The following DUXB variants were observed in gnomAD, a reference collection of about 807,000 sequenced individuals.
DUXB encodes the protein double homeobox protein B.
DUXB carries 22 observed loss-of-function variants against 8.9 expected under a neutral mutation model. The ratio of observed to expected loss-of-function variants is 2.46; its 90% CI spans 1.76 to 3.52. The LOEUF (loss-of-function observed/expected upper bound fraction) is 3.52. Among genes scored for constraint, DUXB ranks in the 30% most tolerant of loss-of-function variants. The pLI is 0.00. For synonymous variants in DUXB, 84 were observed against 37.6 expected, an observed-to-expected ratio of 2.23 and a Z score of -4.52; for missense variants, 237 against 108.7, an observed-to-expected ratio of 2.18 and a Z score of -5.25.
At chr16:75,695,731 T>G (rs1032719882) in intron 4 of DUXB, among the ~76,000 whole-genome samples, 1 of 152,208 alleles carries the variant, frequency 6.6e-6, no homozygotes, top group Non-Finnish European at 1.5e-5. Context: ...AATCTAACAA[T>G]GTTCTCAAAA....
chr16:75,701,182 G>A (rs1330009116), intron 1 of DUXB, among the ~76,000 whole-genome samples: 1 of 152,136 alleles, frequency 6.6e-6, no homozygotes, highest in Non-Finnish European at 1.5e-5. Flanking sequence ...CCTTGTATGG[G>A]ACTCATGGCT....
intron 4 of DUXB, among the ~76,000 whole-genome samples, chr16:75,695,240 C>T (rs1020026082): frequency 2.6e-5 from 4 of 152,142 alleles, no homozygotes; most frequent in African/African-American, 9.7e-5. Context: ...AACGTGTTCT[C>T]GAATTCTCCC....
intron 1 of DUXB, among the ~76,000 whole-genome samples, chr16:75,700,697 C>G (rs1011055011): frequency 2.0e-5 from 3 of 151,860 alleles, no homozygotes; most frequent in African/African-American, 7.3e-5. Context: ...TTAGTAGAGA[C>G]AGGGTTTCAC....
At chr16:75,700,233 T>C (rs1462963539) in intron 1 of DUXB, 64 bp from the exon 2 acceptor site, 3 of 614,190 alleles carry the variant, frequency 4.9e-6, no homozygotes, top group African/African-American at 3.7e-5. Flanking sequence ...ATCTGTACTT[T>C]GATTAAATTA....
At chr16:75,696,608 C>A (rs982038071) in intron 3 of DUXB, among the ~76,000 whole-genome samples, 1 of 152,106 alleles carries the variant, frequency 6.6e-6, no homozygotes, top group Admixed American at 6.5e-5. Context: ...TGTTAAGAAC[C>A]TGACTGTCTC....
chr16:75,700,899 C>T (rs971211129), intron 1 of DUXB, among the ~76,000 whole-genome samples: 1 of 151,846 alleles, frequency 6.6e-6, no homozygotes, highest in Non-Finnish European at 1.5e-5. Context: ...TATTAGAAAA[C>T]GATAATCAAT....
intron 1 of DUXB, among the ~76,000 whole-genome samples, chr16:75,700,729 G>T (rs970831083): frequency 1.3e-5 from 2 of 151,734 alleles, no homozygotes; most frequent in African/African-American, 4.8e-5. Context: ...GGATGGTCTC[G>T]ATCTCCTGAC....
chr16:75,694,772 C>T (rs1337084370), intron 4 of DUXB, among the ~76,000 whole-genome samples: 1 of 152,128 alleles, frequency 6.6e-6, no homozygotes, highest in Non-Finnish European at 1.5e-5. Context: ...AAGAAAAATA[C>T]AGTTTAACAA....
At chr16:75,697,873 T>C (rs1259096929) in intron 2 of DUXB, among the ~76,000 whole-genome samples, 1 of 152,156 alleles carries the variant, frequency 6.6e-6, no homozygotes, top group African/African-American at 2.4e-5. Context: ...AACTGTGCAG[T>C]TGAGGGATCC....
At position 75,694,286 on chromosome 16, in the gene DUXB, A is replaced by G. The variant is rs1305486337; in HGVS notation, c.681T>C (p.His227=). The G allele has an allele frequency of 9.9e-6, 6 of 605,184 alleles. No homozygotes were observed. In the East Asian group the frequency reaches 1.4e-4, roughly 14 times the overall value. 37.5% of individuals were successfully genotyped at this position (605,184 alleles called of 1,614,324 possible). The change falls in exon 5 of 5, where the codon CAT becomes CAC. Residue 227 remains histidine (H), a synonymous_variant. Coordinates refer to ENST00000633875, the MANE Select transcript of DUXB (RefSeq NM_001351307.2). ...TQAPWDPFRF[H]VSQGPNVMIM... is the part of the protein sequence containing the mutation. ...TCATGACATTTGGTCCTTGGCTCAC[A>G]TGGAACCTGAAGGGATCCCAAGGAG...
In DUXB at chr16:75,695,956, C is replaced by T. The variant is rs1029034290; in HGVS notation, c.441+5G>A. 1.4e-6 allele frequency: 1 copy of T among 702,846 alleles called. No homozygotes were observed. Among genetic ancestry groups the T allele is most frequent in the African/African-American group, 1.7e-5 (1 of 57,242 alleles). 43.5% of individuals were successfully genotyped at this position (702,846 alleles called of 1,614,324 possible). On this transcript the variant is annotated splice_donor_5th_base_variant and intron_variant, in intron 4 of 4. Transcript: ENST00000633875. ...CATAGTTGGGATCACACACATAGAA[C>T]TTACTTGAATTCTTGATTCCTGCAG...
intron 2 of DUXB, among the ~76,000 whole-genome samples, chr16:75,697,925 C>T (rs1442502251): frequency 6.6e-6 from 1 of 152,142 alleles, no homozygotes; most frequent in Non-Finnish European, 1.5e-5. Flanking sequence ...ATAGCTAATG[C>T]CTGATGACCG....
rs2082610758 is a variant in DUXB, at chr16:75,696,755, T to C, written c.286+83A>G. On this transcript the variant is annotated intron_variant, in intron 3 of 4. Transcript: ENST00000633875. ...TGGTCACCAGGATGCCAGAACCAGC[T>C]ATCCCTGGCTTCTGAGCTAAGAGAT... 4 of 630,296 alleles carry C rather than the reference T, an allele frequency of 6.3e-6. No individual in the cohort carries two copies. In the South Asian group the frequency reaches 7.3e-5, roughly 11 times the overall value. 39.0% of individuals were successfully genotyped at this position (630,296 alleles called of 1,614,324 possible).
intron 2 of DUXB, among the ~76,000 whole-genome samples, chr16:75,697,683 G>A (rs1024604999): frequency 4.6e-5 from 7 of 152,122 alleles, no homozygotes; most frequent in Admixed American, 4.6e-4. Flanking sequence ...TTATATCATA[G>A]GCATTGTGCT....
chr16:75,694,608 C>G (rs143310087), intron 4 of DUXB, 83 bp from the exon 5 acceptor site: 9,625 of 686,822 alleles, frequency 0.014, 90 homozygotes, highest in Middle Eastern at 0.018. Flanking sequence ...AACAAAGGAG[C>G]TATTAACCTA....
chr16:75,695,138 T>C (rs536565860), intron 4 of DUXB, among the ~76,000 whole-genome samples: 2 of 152,370 alleles, frequency 1.3e-5, no homozygotes, highest in South Asian at 4.1e-4. Flanking sequence ...TGTGTATGTT[T>C]GTATATATAC....
At chr16:75,698,108 G>T (rs1010582433) in intron 2 of DUXB, among the ~76,000 whole-genome samples, 1 of 152,170 alleles carries the variant, frequency 6.6e-6, no homozygotes, top group Admixed American at 6.5e-5. Flanking sequence ...GAAATCTTAA[G>T]TACAGATGGA....
intron 3 of DUXB, 104 bp downstream of exon 3, chr16:75,696,734 C>A: frequency 4.9e-6 from 3 of 613,248 alleles, no homozygotes; most frequent in South Asian, 3.9e-5. Context: ...TATCTCTGGT[C>A]ACCAGGATGC....
intron 4 of DUXB, 79 bp from the exon 5 acceptor site, chr16:75,694,604 G>A (rs1567521102): frequency 1.4e-6 from 1 of 690,490 alleles, no homozygotes; most frequent in South Asian, 1.5e-5. Flanking sequence ...ATAAAACAAA[G>A]GAGCTATTAA....
Sources: allele counts gnomAD v4.1 joint callset (sites outside exome capture counted in the v4.1 genomes callset), GRCh38; gene constraint gnomAD v4.1.1; transcripts MANE v1.5; gene names NCBI Gene and HGNC (gene_info 2026-07-23, HGNC 2026-07-21).